Variants in STRBP observed in about 807,000 individuals in gnomAD.
STRBP encodes spermatid perinuclear RNA-binding protein.
In STRBP, 13 loss-of-function variants were observed where a neutral mutation model predicts 80.1. The ratio of observed to expected loss-of-function variants is 0.16; its 90% CI spans 0.11 to 0.26. The LOEUF is 0.26. Ranked by LOEUF, STRBP falls within the 10% of genes least tolerant of loss-of-function variation. The pLI is 1.00. For missense variants in STRBP, 485 were observed against 815.2 expected (o/e 0.59, Z 4.93); for synonymous variants, 284 against 291.2 (o/e 0.98, Z 0.25).
intron 14 of STRBP, among the ~76,000 whole-genome samples, chr9:123,138,656 T>G (rs1203954992): frequency 6.6e-6 from 1 of 152,182 alleles, no homozygotes; most frequent in Non-Finnish European, 1.5e-5. Flanking sequence ...ATTATTATGT[T>G]CATTTTGCCA....
intron 1 of STRBP, among the ~76,000 whole-genome samples, chr9:123,238,347 A>C (rs571117004): frequency 6.6e-6 from 1 of 152,274 alleles, no homozygotes; most frequent in Non-Finnish European, 1.5e-5. Context: ...CGTATCAATA[A>C]GGCTAGCAGA....
Position 123,161,047 on chromosome 9 carries a change from G to A in STRBP, c.557C>T (p.Pro186Leu). ...KDGENVSMKDPPDLLDRQKCL... is the reference protein window; with the variant it reads ...KDGENVSMKDLPDLLDRQKCL... ...TTTCTGCCTGTCCAATAAGTCCGGA[G>A]GATCTTTCATCGAAACATTTTCTAA... The change falls in exon 7 of 19, where the codon CCT becomes CTT. Residue 186 changes from proline to leucine, a missense_variant. Physicochemically the swap from Pro to Leu is moderately conservative, Grantham distance 98. Transcript: ENST00000348403. The A allele has an allele frequency of 1.9e-6, 3 of 1,600,690 alleles. No individual in the cohort carries two copies. Among genetic ancestry groups the A allele is most frequent in the Non-Finnish European group, 2.6e-6 (3 of 1,175,284 alleles).
chr9:123,252,221 C>T (rs1032460273), intron 1 of STRBP, among the ~76,000 whole-genome samples: 2 of 152,076 alleles, frequency 1.3e-5, no homozygotes, highest in African/African-American at 4.8e-5. Flanking sequence ...GTATTTGCAC[C>T]GTGATGTTGG....
chr9:123,173,304 C>A (rs2038084659), intron 5 of STRBP, among the ~76,000 whole-genome samples: 1 of 152,184 alleles, frequency 6.6e-6, no homozygotes, highest in Admixed American at 6.5e-5. Context: ...ATAAGAAAGT[C>A]TCTTAGTCGC....
chr9:123,165,578 C>T (rs1489805948), intron 6 of STRBP, among the ~76,000 whole-genome samples: 6 of 152,134 alleles, frequency 3.9e-5, no homozygotes, highest in Non-Finnish European at 8.8e-5. Context: ...TCCTTATCCA[C>T]CTGGTTTCAA....
intron 2 of STRBP, among the ~76,000 whole-genome samples, chr9:123,225,392 CA>C (rs1481872338): frequency 6.6e-6 from 1 of 152,164 alleles, no homozygotes; most frequent in African/African-American, 2.4e-5. Flanking sequence ...AGTTCCTAGA[CA>C]CCATGGAAAT....
At chr9:123,239,669 AC>A (rs1227311227) in intron 1 of STRBP, among the ~76,000 whole-genome samples, 1 of 152,226 alleles carries the variant, frequency 6.6e-6, no homozygotes, top group Non-Finnish European at 1.5e-5. Flanking sequence ...GAGCAGAGTA[AC>A]AATATCACCT....
chr9:123,216,348 G>A (rs1393739518), intron 2 of STRBP, among the ~76,000 whole-genome samples: 1 of 152,208 alleles, frequency 6.6e-6, no homozygotes, highest in Admixed American at 6.5e-5. Context: ...TAGATAGTAA[G>A]CTCTCAAATA....
rs145897518 is a variant in STRBP, at chr9:123,238,451, C to T, written c.-301-1485G>A. On this transcript the variant is annotated intron_variant, in intron 1 of 18. Transcript: ENST00000348403. The stretch of plus-strand genomic sequence containing the variant: ...TAGATTCCCTTAAAGGCAAACTAAG[C>T]GCCATCCAACTTTCAGTAACCAAGG... Among the ~76,000 whole-genome samples the T allele has an allele frequency of 3.3e-5, 5 of 152,288 alleles. No homozygotes were observed. In the East Asian group the frequency reaches 5.8e-4, roughly 18 times the overall value.
intron 1 of STRBP, among the ~76,000 whole-genome samples, chr9:123,258,162 A>G (rs2041077540): frequency 1.3e-5 from 2 of 152,232 alleles, no homozygotes; most frequent in African/African-American, 4.8e-5. Flanking sequence ...ACTAAATGCC[A>G]GGCACTGTTC....
chr9:123,160,729 G>A (rs2037488260), intron 7 of STRBP, among the ~76,000 whole-genome samples: 1 of 152,154 alleles, frequency 6.6e-6, no homozygotes, highest in Non-Finnish European at 1.5e-5. Context: ...TCTCAGTCAT[G>A]TTTGATTTTA....
At position 123,209,155 on chromosome 9, in the gene STRBP, T is replaced by C. The variant is rs181206233; in HGVS notation, c.-164-24857A>G. Among the ~76,000 whole-genome samples, 16 of 152,336 alleles carry C rather than the reference T, an allele frequency of 1.1e-4. No individual in the cohort carries two copies. The East Asian group carries it at 3.1e-3, about 29-fold the overall frequency. On this transcript the variant is annotated intron_variant, in intron 2 of 18. Transcript: ENST00000348403. ...TAATTGTTTATGGCAAGAAGGCTAGTCTAGAACTAGTTACCCATAATACTT... is the reference window on the plus strand; with the variant it reads ...TAATTGTTTATGGCAAGAAGGCTAGCCTAGAACTAGTTACCCATAATACTT...
intron 1 of STRBP, among the ~76,000 whole-genome samples, chr9:123,248,243 TTC>T (rs1252371183): frequency 1.3e-5 from 2 of 151,464 alleles, no homozygotes; most frequent in African/African-American, 4.9e-5. Flanking sequence ...AATAACAGAC[TTC>T]TCCCACCCCT....
At chr9:123,149,039 C>T (rs1481515778) in intron 11 of STRBP, among the ~76,000 whole-genome samples, 1 of 152,170 alleles carries the variant, frequency 6.6e-6, no homozygotes, top group Non-Finnish European at 1.5e-5. Flanking sequence ...TATTCAAGTA[C>T]TTTAAAGATC....
At position 123,124,611 on chromosome 9, in the gene STRBP, A is replaced by G; in HGVS notation, c.*986T>C. ...GAAGAGGAAAGGAGACCCTTCAATGAATCCCAGCAAAATCACTAATCTTCT... is the reference window on the plus strand; with the variant it reads ...GAAGAGGAAAGGAGACCCTTCAATGGATCCCAGCAAAATCACTAATCTTCT... On this transcript the variant is annotated 3_prime_UTR_variant, in exon 19 of 19. Coordinates refer to ENST00000348403, the MANE Select transcript of STRBP (RefSeq NM_018387.5). 1.0e-6 allele frequency: 1 copy of G among 985,480 alleles called. No homozygotes were observed. The highest frequency in any genetic ancestry group is 1.2e-6 in the Non-Finnish European group (1 of 829,940). The allele number at this position is 985,480 out of a possible 1,614,324, so 61.0% of individuals were successfully genotyped here.
At chr9:123,191,304 C>T (rs2038915774) in intron 2 of STRBP, among the ~76,000 whole-genome samples, 1 of 152,066 alleles carries the variant, frequency 6.6e-6, no homozygotes. Context: ...ATGAATTGAG[C>T]ACTTCTGGCA....
intron 2 of STRBP, chr9:123,213,901 G>A (rs1288279938): frequency 7.1e-6 from 1 of 141,162 alleles, no homozygotes; most frequent in Non-Finnish European, 1.5e-5. Context: ...CAGCCAGCGT[G>A]ACAAAGCGAG....
In STRBP at chr9:123,169,642, A is replaced by G. The variant is rs1243626174; in HGVS notation, c.535+260T>C. Reference sequence around the variant, plus strand: ...AAACAGAACAGCAAATGGTATAAAAATTAAAGCAGAGTTAAAACCAACAAG... The same window carrying G: ...AAACAGAACAGCAAATGGTATAAAAGTTAAAGCAGAGTTAAAACCAACAAG... On this transcript the variant is annotated intron_variant, in intron 6 of 18. Transcript: ENST00000348403. Among the ~76,000 whole-genome samples, 3 of 152,248 alleles carry G rather than the reference A, an allele frequency of 2.0e-5. No homozygotes were observed. The East Asian group carries it at 5.8e-4, about 29-fold the overall frequency.
In STRBP at chr9:123,126,589, A is replaced by G. The variant is rs1292931363; in HGVS notation, c.1943-916T>C. ...AGGAGGAAAGGGAGGAACAAGAGAG[A>G]AAAAAAGACCAAGGAAAAACATGAA... On this transcript the variant is annotated intron_variant, in intron 18 of 18. Coordinates refer to ENST00000348403, the MANE Select transcript of STRBP (RefSeq NM_018387.5). This position sits in a 1 kb window ranked among gnomAD's most constrained non-coding sequence, Gnocchi z 4.4. Among the ~76,000 whole-genome samples the G allele has an allele frequency of 6.6e-6, 1 of 152,124 alleles. No homozygotes were observed. Among genetic ancestry groups the G allele is most frequent in the Admixed American group, 6.6e-5 (1 of 15,258 alleles).
Sources: allele counts gnomAD v4.1 joint callset (sites outside exome capture counted in the v4.1 genomes callset), GRCh38; gene constraint gnomAD v4.1.1; non-coding constraint Gnocchi (gnomAD v3.1); transcripts MANE v1.5; gene names NCBI Gene and HGNC (gene_info 2026-07-23, HGNC 2026-07-21).